The following BMP5 variants were observed in gnomAD, a reference collection of about 807,000 sequenced individuals.
BMP5 encodes the protein bone morphogenetic protein 5.
Under a neutral mutation model 46.6 loss-of-function variants are expected in BMP5, and 23 were observed. That is an observed-to-expected ratio of 0.49 (90% CI 0.35 to 0.70). The LOEUF is 0.70. Among genes scored for constraint, BMP5 ranks in the 30% least tolerant of loss-of-function variants. The pLI, the probability that BMP5 is intolerant of heterozygous loss-of-function variation, is 0.00. For missense variants in BMP5, 545 were observed against 565.6 expected (o/e 0.96, Z 0.37); for synonymous variants, 204 against 191.9 (o/e 1.06, Z -0.52).
intron 4 of BMP5, among the ~76,000 whole-genome samples, chr6:55,763,004 C>G (rs1774824105): frequency 6.6e-6 from 1 of 152,012 alleles, no homozygotes; most frequent in African/African-American, 2.4e-5. Flanking sequence ...AAAATATTGT[C>G]CTTCTTTTCC....
chr6:55,759,146 A>AC (rs112492283), intron 5 of BMP5, 31 bp from the exon 6 acceptor site: 517 of 143,228 alleles, frequency 3.6e-3, no homozygotes, highest in Non-Finnish European at 4.5e-3. Context: ...CACACACACA[A>AC]AAAAAAAAAA....
At chr6:55,760,662 T>C in intron 4 of BMP5, 129 bp from the exon 5 acceptor site, 2 of 793,292 alleles carry the variant, frequency 2.5e-6, no homozygotes, top group Non-Finnish European at 4.1e-6. Context: ...GTTTCAATCT[T>C]AAAGTTAGAA....
At chr6:55,792,139 T>C (rs1775584455) in intron 3 of BMP5, among the ~76,000 whole-genome samples, 1 of 152,214 alleles carries the variant, frequency 6.6e-6, no homozygotes, top group Non-Finnish European at 1.5e-5. Context: ...AATTCAACAT[T>C]GTAATTAAAA....
In BMP5 at chr6:55,754,857, C is replaced by T. The variant is rs933340868; in HGVS notation, c.*676G>A. 1 of 152,002 alleles carries T rather than the reference C, an allele frequency of 6.6e-6. No homozygotes were observed. Among genetic ancestry groups the T allele is most frequent in the Non-Finnish European group, 1.5e-5 (1 of 67,984 alleles). The allele number at this position is 152,002 out of a possible 1,614,324, so 9.4% of individuals were successfully genotyped here. A position where few individuals can be genotyped will look rare whatever the true frequency, so the allele number is the denominator to read the frequency against. ...ACAGGCTCAAGCCTGTCTCCTGAAG[C>T]TTTGAGCTCTTTGCAAAATCTACAA... On this transcript the variant is annotated 3_prime_UTR_variant, in exon 7 of 7. Transcript: ENST00000370830.
chr6:55,809,243 C>A (rs1484195013), intron 2 of BMP5, among the ~76,000 whole-genome samples: 2 of 152,144 alleles, frequency 1.3e-5, no homozygotes, highest in African/African-American at 4.8e-5. Context: ...TTGCTACTTT[C>A]TTAACAAACT....
intron 3 of BMP5, among the ~76,000 whole-genome samples, chr6:55,776,167 AT>A (rs1361962158): frequency 6.6e-6 from 1 of 151,994 alleles, no homozygotes; most frequent in Non-Finnish European, 1.5e-5. Flanking sequence ...CAGAGTCTAT[AT>A]TTTTTAGAAA....
At chr6:55,815,863 AT>A (rs1776249922) in intron 2 of BMP5, among the ~76,000 whole-genome samples, 1 of 152,092 alleles carries the variant, frequency 6.6e-6, no homozygotes, top group African/African-American at 2.4e-5. Flanking sequence ...TATTTTTATC[AT>A]TTTTGTCATG....
At chr6:55,791,888 T>C (rs976411857) in intron 3 of BMP5, among the ~76,000 whole-genome samples, 2 of 152,178 alleles carry the variant, frequency 1.3e-5, no homozygotes, top group Non-Finnish European at 2.9e-5. Flanking sequence ...TTTTTCTTGT[T>C]TGGGCCACAT....
At chr6:55,781,818 C>G (rs1474021531) in intron 3 of BMP5, among the ~76,000 whole-genome samples, 4 of 151,812 alleles carry the variant, frequency 2.6e-5, no homozygotes, top group Non-Finnish European at 5.9e-5. Flanking sequence ...ACCATGTTGA[C>G]CAGGCTGGTC....
chr6:55,867,827 G>A (rs906783034), intron 1 of BMP5, among the ~76,000 whole-genome samples: 31 of 152,118 alleles, frequency 2.0e-4, no homozygotes, highest in African/African-American at 6.5e-4. Context: ...GCAACCAGAC[G>A]CACAAATAAT....
chr6:55,842,713 G>T (rs1377854868), intron 1 of BMP5, among the ~76,000 whole-genome samples: 4 of 150,948 alleles, frequency 2.6e-5, no homozygotes, highest in African/African-American at 7.3e-5. Context: ...TTCTGTTGAA[G>T]ATTATAATCC....
intron 4 of BMP5, among the ~76,000 whole-genome samples, chr6:55,768,149 A>T (rs1466416384): frequency 6.6e-6 from 1 of 151,870 alleles, no homozygotes; most frequent in African/African-American, 2.4e-5. Flanking sequence ...TCAATTAATT[A>T]TTTTCTTGTT....
At chr6:55,825,216 CAAT>C (rs1776501444) in intron 1 of BMP5, among the ~76,000 whole-genome samples, 1 of 151,962 alleles carries the variant, frequency 6.6e-6, no homozygotes, top group East Asian at 1.9e-4. Flanking sequence ...ACAAACACAA[CAAT>C]GATGGTAAAC....
chr6:55,853,157 TAAAATAAAATAAAATAA>T (rs1777291001), intron 1 of BMP5, among the ~76,000 whole-genome samples: 2 of 27,752 alleles, frequency 7.2e-5, no homozygotes, highest in Admixed American at 8.3e-4. Context: ...TAAAATAAAA[TAAAATAAAATAAAATAA>T]AATAAAATAA....
chr6:55,830,443 G>T (rs1452881890), intron 1 of BMP5, among the ~76,000 whole-genome samples: 3 of 152,050 alleles, frequency 2.0e-5, no homozygotes, highest in Non-Finnish European at 2.9e-5. Context: ...AAAACTCAGA[G>T]CAAAATTCAG....
intron 3 of BMP5, among the ~76,000 whole-genome samples, chr6:55,791,529 A>C (rs2127527833): frequency 6.6e-6 from 1 of 152,356 alleles, no homozygotes; most frequent in Middle Eastern, 3.4e-3. Flanking sequence ...AGGCTAAAAA[A>C]TAACATACTA....
intron 3 of BMP5, among the ~76,000 whole-genome samples, chr6:55,791,986 A>G (rs565284486): frequency 4.3e-4 from 66 of 152,318 alleles, no homozygotes; most frequent in Non-Finnish European, 7.9e-4. Context: ...TTAACATTGT[A>G]AGAATTCTTG....
intron 2 of BMP5, among the ~76,000 whole-genome samples, chr6:55,811,902 C>A (rs116772577): frequency 0.015 from 2,228 of 152,250 alleles, 52 homozygotes; most frequent in African/African-American, 0.05. Context: ...TCGTTCTTAG[C>A]ACATTGTATT....
In BMP5 at chr6:55,833,599, T is replaced by C. The variant is rs76779966; in HGVS notation, c.491-13752A>G. ...GGGTAATGGAAAGGATTAGGTGAAC[T>C]CATTTGAAAGAGAAACTGAATGCAT... On this transcript the variant is annotated intron_variant, in intron 1 of 6. Transcript: ENST00000370830. Among the ~76,000 whole-genome samples, 1,355 of 152,254 alleles carry C rather than the reference T, an allele frequency of 8.9e-3. 15 individuals carry two copies. Among genetic ancestry groups the C allele is most frequent in the African/African-American group, 0.031 (1,271 of 41,550 alleles).
Sources: allele counts gnomAD v4.1 joint callset (sites outside exome capture counted in the v4.1 genomes callset), GRCh38; gene constraint gnomAD v4.1.1; transcripts MANE v1.5; gene names NCBI Gene and HGNC (gene_info 2026-07-23, HGNC 2026-07-21).